RBFOX1: variants seen among roughly 807,000 people sequenced by gnomAD.
The protein encoded by RBFOX1 is RNA binding protein fox-1 homolog 1.
In RBFOX1, 8 loss-of-function variants were observed where a neutral mutation model predicts 57.7. The observed-to-expected ratio is 0.14, with a 90% CI of 0.08 to 0.25. The LOEUF (loss-of-function observed/expected upper bound fraction) is 0.25. Among genes scored for constraint, RBFOX1 ranks in the 10% least tolerant of loss-of-function variants. The pLI is 1.00. For missense variants in RBFOX1, 611 were observed against 548.5 expected, an observed-to-expected ratio of 1.11 and a Z score of -1.14; for synonymous variants, 326 against 222.4, an observed-to-expected ratio of 1.47 and a Z score of -4.15.
At position 7,468,088 on chromosome 16, in the gene RBFOX1, G is replaced by C. The variant is rs545473106; in HGVS notation, c.28-50059G>C. 7.9e-5 allele frequency among the ~76,000 whole-genome samples: 12 copies of C among 152,334 alleles called. 1 individual carries two copies. The East Asian group carries it at 2.1e-3, about 27-fold the overall frequency. ...AGCTTAGCTGCTTGCAAATAAGCGA[G>C]CATCACAGAACTTGGTTGAGCTGGC... On this transcript the variant is annotated intron_variant, in intron 4 of 15. Coordinates refer to ENST00000550418, the MANE Select transcript of RBFOX1 (RefSeq NM_018723.4).
chr16:5,595,654 G>A (rs1225068838), intron 2 of RBFOX1, among the ~76,000 whole-genome samples: 3 of 152,186 alleles, frequency 2.0e-5, no homozygotes, highest in African/African-American at 7.2e-5. Flanking sequence ...AAAGACCTGG[G>A]CTTTCTGAAA....
chr16:7,617,178 C>G (rs909056050), intron 10 of RBFOX1, among the ~76,000 whole-genome samples: 3 of 152,118 alleles, frequency 2.0e-5, no homozygotes, highest in Admixed American at 1.3e-4. Flanking sequence ...CTTCAAACAA[C>G]TTATCACTGT....
At chr16:5,439,419 G>A (rs1366306486) in intron 1 of RBFOX1, among the ~76,000 whole-genome samples, 1 of 152,034 alleles carries the variant, frequency 6.6e-6, no homozygotes, top group Non-Finnish European at 1.5e-5. Context: ...CGCATCATGG[G>A]GAATGAAAAG....
chr16:6,823,644 C>G (rs1188499915), intron 3 of RBFOX1, among the ~76,000 whole-genome samples: 7 of 152,188 alleles, frequency 4.6e-5, no homozygotes, highest in South Asian at 2.1e-4. Context: ...TTGAATCTCC[C>G]TATTCTTGAT....
chr16:7,460,848 T>G (rs2059452539), intron 4 of RBFOX1, among the ~76,000 whole-genome samples: 1 of 152,168 alleles, frequency 6.6e-6, no homozygotes, highest in South Asian at 2.1e-4. Context: ...ATTTCTGATT[T>G]GATATGTCTT....
chr16:5,435,764 A>G (rs1028157969), intron 1 of RBFOX1, among the ~76,000 whole-genome samples: 6 of 152,338 alleles, frequency 3.9e-5, no homozygotes, highest in South Asian at 4.1e-4. Flanking sequence ...TGCTTTATCT[A>G]TGTCACTAAA....
intron 3 of RBFOX1, among the ~76,000 whole-genome samples, chr16:6,937,093 A>C (rs1432471635): frequency 6.6e-6 from 1 of 152,124 alleles, no homozygotes; most frequent in East Asian, 1.9e-4. Flanking sequence ...AAAGTATGAT[A>C]ATAAAAAAAT....
intron 10 of RBFOX1, 76 bp from the exon 11 acceptor site, chr16:7,630,527 G>A (rs1407865339): frequency 5.6e-6 from 9 of 1,592,964 alleles, no homozygotes; most frequent in Non-Finnish European, 7.7e-6. Context: ...TGCATTTCTC[G>A]GTTGCATTGC....
chr16:7,241,836 T>G (rs1191373104), intron 4 of RBFOX1, among the ~76,000 whole-genome samples: 1 of 151,938 alleles, frequency 6.6e-6, no homozygotes, highest in African/African-American at 2.4e-5. Flanking sequence ...TATACATATA[T>G]TAAATATGTA....
intron 3 of RBFOX1, among the ~76,000 whole-genome samples, chr16:6,829,663 G>A (rs117841529): frequency 0.033 from 5,003 of 152,062 alleles, 271 homozygotes; most frequent in East Asian, 0.14. Flanking sequence ...GTGCAGGGGC[G>A]TGATCTTGGC....
intron 3 of RBFOX1, among the ~76,000 whole-genome samples, chr16:5,627,161 A>T (rs951137263): frequency 1.3e-5 from 2 of 152,182 alleles, no homozygotes; most frequent in Non-Finnish European, 2.9e-5. Context: ...ATTAGAAATT[A>T]TTTGGGTAAG....
chr16:6,578,323 T>G (rs537556326), intron 2 of RBFOX1, among the ~76,000 whole-genome samples: 1 of 152,208 alleles, frequency 6.6e-6, no homozygotes, highest in African/African-American at 2.4e-5. Context: ...AACAGGGTAG[T>G]GGGAAGTTAG....
In RBFOX1 at chr16:6,964,494, C is replaced by G. The variant is rs538186591; in HGVS notation, c.-15-87563C>G. Among the ~76,000 whole-genome samples the G allele has an allele frequency of 5.3e-5, 8 of 152,218 alleles. 1 individual carries two copies. Among genetic ancestry groups the G allele is most frequent in the South Asian group, 2.1e-4 (1 of 4,802 alleles). On this transcript the variant is annotated intron_variant, in intron 3 of 15. Transcript: ENST00000550418. ...CAGTGTATATGGTTATCAACTGTAA[C>G]AAATTGCACCTCTGGTAGGGGGTTT...
intron 3 of RBFOX1, among the ~76,000 whole-genome samples, chr16:5,757,208 GT>G (rs1320741411): frequency 1.3e-5 from 2 of 149,324 alleles, no homozygotes; most frequent in African/African-American, 2.5e-5. Flanking sequence ...GGCGGGGAAG[GT>G]TTTTTTTGTT....
chr16:6,360,619 C>G (rs2152866893), intron 2 of RBFOX1, among the ~76,000 whole-genome samples: 1 of 152,194 alleles, frequency 6.6e-6, no homozygotes, highest in East Asian at 1.9e-4. Context: ...GAAGGATGGA[C>G]CATCTATTAC....
intron 4 of RBFOX1, among the ~76,000 whole-genome samples, chr16:6,010,547 T>C (rs1156631277): frequency 6.6e-6 from 1 of 152,234 alleles, no homozygotes; most frequent in African/African-American, 2.4e-5. Flanking sequence ...AGTTCACTAC[T>C]GACATTCAAA....
chr16:6,865,513 A>G (rs2059767104), intron 3 of RBFOX1, among the ~76,000 whole-genome samples: 1 of 152,184 alleles, frequency 6.6e-6, no homozygotes, highest in African/African-American at 2.4e-5. Context: ...ACACATGGTT[A>G]ATGACTTGCT....
chr16:7,197,891 G>C (rs1483329992), intron 4 of RBFOX1, among the ~76,000 whole-genome samples: 1 of 152,072 alleles, frequency 6.6e-6, no homozygotes, highest in Non-Finnish European at 1.5e-5. Context: ...AAACAGAATG[G>C]GGGTTGCCAA....
chr16:5,679,063 A>G lies in RBFOX1; in HGVS notation c.318+80102A>G, dbSNP rs2050251775. 2.0e-5 allele frequency among the ~76,000 whole-genome samples: 3 copies of G among 152,126 alleles called. No homozygotes were observed. The South Asian group carries it at 6.2e-4, about 32-fold the overall frequency. ...TTTAGCAGTTAATCACTTTTATGAA[A>G]CCTGCATCTCAATTCATTACTCCAT... On this transcript the variant is annotated intron_variant, in intron 3 of 19. Transcript: ENST00000641259.
Sources: gnomAD v4.1 joint callset for allele counts (sites outside exome capture counted in the v4.1 genomes callset) on GRCh38, gnomAD v4.1.1 for gene constraint, MANE v1.5 for transcripts, NCBI Gene and HGNC (gene_info 2026-07-23, HGNC 2026-07-21) for gene names.